Variants in SHANK2 observed in about 807,000 individuals in gnomAD.
SHANK2 encodes SH3 and multiple ankyrin repeat domains protein 2.
SHANK2 carries 43 observed loss-of-function variants against 133.7 expected under a neutral mutation model. The observed-to-expected ratio is 0.32, with a 90% CI of 0.25 to 0.41. SHANK2 has a LOEUF of 0.41. Ranked by LOEUF, SHANK2 falls within the 10% of genes least tolerant of loss-of-function variation. The pLI, the probability that SHANK2 is intolerant of heterozygous loss-of-function variation, is 1.00. For missense variants in SHANK2, 1,994 were observed against 2,235.8 expected (o/e 0.89, Z 2.18); for synonymous variants, 1,017 against 952.8 (o/e 1.07, Z -1.24).
intron 10 of SHANK2, among the ~76,000 whole-genome samples, chr11:70,932,314 T>C (rs1354231830): frequency 6.6e-6 from 1 of 152,212 alleles, no homozygotes; most frequent in Non-Finnish European, 1.5e-5. Flanking sequence ...TAAAATCTTG[T>C]CCTATATAAA....
chr11:70,794,841 C>T (rs937545846), intron 14 of SHANK2, among the ~76,000 whole-genome samples: 6 of 152,186 alleles, frequency 3.9e-5, no homozygotes, highest in African/African-American at 1.4e-4. Context: ...CAGGCATGAG[C>T]CACCACACCT....
chr11:70,929,655 A>T (rs1950475628), intron 10 of SHANK2, among the ~76,000 whole-genome samples: 1 of 152,120 alleles, frequency 6.6e-6, no homozygotes, highest in African/African-American at 2.4e-5. Context: ...TTCCTCTTAT[A>T]AGGACCCTTG....
At chr11:71,248,339 G>A (rs961931136) in intron 1 of SHANK2, among the ~76,000 whole-genome samples, 11 of 152,250 alleles carry the variant, frequency 7.2e-5, no homozygotes, top group Non-Finnish European at 1.5e-4. Context: ...CCTGCTGACC[G>A]CAGCGCGATT....
At chr11:70,615,812 G>A (rs931251482) in intron 17 of SHANK2, among the ~76,000 whole-genome samples, 1 of 152,190 alleles carries the variant, frequency 6.6e-6, no homozygotes, top group Admixed American at 6.5e-5. Context: ...CCCACCCACA[G>A]GTCTAAGCCA....
At chr11:70,865,944 C>T (rs1555068927) in intron 11 of SHANK2, among the ~76,000 whole-genome samples, 1 of 152,166 alleles carries the variant, frequency 6.6e-6, no homozygotes. Context: ...GGTCGTGGCC[C>T]CTCCCTGGCA....
intron 3 of SHANK2, among the ~76,000 whole-genome samples, chr11:71,135,147 A>G (rs1555104522): frequency 6.6e-6 from 1 of 152,042 alleles, no homozygotes; most frequent in Non-Finnish European, 1.5e-5. Flanking sequence ...GAAGATTCCA[A>G]GCAAAGACCC....
At chr11:70,548,852 A>G (rs2059728727) in intron 17 of SHANK2, among the ~76,000 whole-genome samples, 1 of 152,136 alleles carries the variant, frequency 6.6e-6, no homozygotes, top group African/African-American at 2.4e-5. Flanking sequence ...GTGGACACGC[A>G]TGGTGGGAAG....
chr11:70,534,858 T>C (rs2059524189), intron 17 of SHANK2, among the ~76,000 whole-genome samples: 1 of 152,080 alleles, frequency 6.6e-6, no homozygotes, highest in South Asian at 2.1e-4. Context: ...CCCTTGACTG[T>C]CTGCCTCACC....
intron 11 of SHANK2, among the ~76,000 whole-genome samples, chr11:70,833,107 C>A (rs1948749869): frequency 6.6e-6 from 1 of 152,270 alleles, no homozygotes; most frequent in African/African-American, 2.4e-5. Context: ...CGAGTTCGAG[C>A]CCATCAGACA....
intron 14 of SHANK2, among the ~76,000 whole-genome samples, chr11:70,725,139 T>C (rs1555030303): frequency 6.6e-6 from 1 of 152,168 alleles, no homozygotes; most frequent in Non-Finnish European, 1.5e-5. Context: ...TATAAGACTA[T>C]CTTTAGCGTA....
intron 17 of SHANK2, among the ~76,000 whole-genome samples, chr11:70,658,296 CACACACACACAG>C (rs2061437787): frequency 1.9e-5 from 2 of 102,932 alleles, no homozygotes; most frequent in South Asian, 2.7e-4. Flanking sequence ...CACACACACA[CACACACACACAG>C]ACACACACAC....
In SHANK2 at chr11:70,479,739, A is replaced by G. The variant is rs1485444893; in HGVS notation, c.4979+5575T>C. On this transcript the variant is annotated intron_variant, in intron 25 of 25. Coordinates refer to ENST00000601538, the MANE Select transcript of SHANK2 (RefSeq NM_012309.5). This position sits in a 1 kb window ranked among gnomAD's most constrained non-coding sequence, Gnocchi z 4.4. ...AGCAAATGTGAAGCTGACCTCTGCC[A>G]TGGAAGCGATGGTAAAGAACATCAG... 6.6e-6 allele frequency among the ~76,000 whole-genome samples: 1 copy of G among 152,252 alleles called. No homozygotes were observed. Among genetic ancestry groups the G allele is most frequent in the Non-Finnish European group, 1.5e-5 (1 of 68,044 alleles).
At chr11:70,523,809 G>A (rs1388774959) in intron 17 of SHANK2, among the ~76,000 whole-genome samples, 2 of 152,190 alleles carry the variant, frequency 1.3e-5, no homozygotes, top group African/African-American at 2.4e-5. Flanking sequence ...AGCAGTGGAA[G>A]AGCATCATAT....
At position 70,493,503 on chromosome 11, in the gene SHANK2, C is replaced by T. The variant is rs977884546; in HGVS notation, c.2309-1038G>A. ...TTTTACTTGAAAACTGAAGCACATCCCAGAGCTCTCCTGACGCCTTAGCTT... is the reference window on the plus strand; with the variant it reads ...TTTTACTTGAAAACTGAAGCACATCTCAGAGCTCTCCTGACGCCTTAGCTT... On this transcript the variant is annotated intron_variant, in intron 21 of 25. Coordinates refer to ENST00000601538, the MANE Select transcript of SHANK2 (RefSeq NM_012309.5). Among the ~76,000 whole-genome samples, 5 of 149,174 alleles carry T rather than the reference C, an allele frequency of 3.4e-5. 1 individual carries two copies. In the South Asian group the frequency reaches 1.1e-3, roughly 32 times the overall value.
intron 3 of SHANK2, among the ~76,000 whole-genome samples, chr11:71,124,920 T>C (rs766785692): frequency 3.3e-5 from 5 of 152,224 alleles, no homozygotes; most frequent in Non-Finnish European, 7.3e-5. Context: ...GTGTCACATA[T>C]GAGTAATTCT....
chr11:70,777,808 A>G (rs1350896882), intron 14 of SHANK2, among the ~76,000 whole-genome samples: 6 of 152,168 alleles, frequency 3.9e-5, no homozygotes, highest in African/African-American at 1.4e-4. Context: ...CAAACACATC[A>G]CTGGGAAAGC....
chr11:71,067,995 C>T (rs1401657647), intron 9 of SHANK2, among the ~76,000 whole-genome samples: 1 of 151,924 alleles, frequency 6.6e-6, no homozygotes. Context: ...ACCACCATCA[C>T]CATCATCACC....
intron 2 of SHANK2, among the ~76,000 whole-genome samples, chr11:71,170,967 G>A (rs1471454029): frequency 2.0e-5 from 3 of 152,242 alleles, no homozygotes; most frequent in East Asian, 3.8e-4. Context: ...AAATGTGTGT[G>A]TGCTCACATT....
At chr11:70,686,903 G>A (rs1591749585) in intron 15 of SHANK2, among the ~76,000 whole-genome samples, 2 of 152,306 alleles carry the variant, frequency 1.3e-5, no homozygotes, top group East Asian at 1.9e-4. Flanking sequence ...TCTGCTCCCT[G>A]GAGAGGCACC....
Sources: gnomAD v4.1 joint callset for allele counts (sites outside exome capture counted in the v4.1 genomes callset) on GRCh38, gnomAD v4.1.1 for gene constraint, Gnocchi (gnomAD v3.1) non-coding constraint, MANE v1.5 for transcripts, NCBI Gene and HGNC (gene_info 2026-07-23, HGNC 2026-07-21) for gene names.